Variants in AP3S1 observed in about 807,000 individuals in gnomAD.
The protein encoded by AP3S1 is adaptor related protein complex 3 subunit sigma 1, also known as AP-3 complex subunit sigma-1.
Under a neutral mutation model 21.3 loss-of-function variants are expected in AP3S1, and 12 were observed. That is an observed-to-expected ratio of 0.56 (90% CI 0.36 to 0.91). AP3S1 has a LOEUF of 0.91. AP3S1 is among the 40% of genes least tolerant of loss of function. The pLI is 0.01. For missense variants in AP3S1, 116 were observed against 225.0 expected, an observed-to-expected ratio of 0.52 and a Z score of 3.10; for synonymous variants, 48 against 78.4, an observed-to-expected ratio of 0.61 and a Z score of 2.05.
chr5:115,868,688 C>G (rs1479382621), intron 2 of AP3S1, among the ~76,000 whole-genome samples: 2 of 151,758 alleles, frequency 1.3e-5, no homozygotes, highest in Non-Finnish European at 2.9e-5. Flanking sequence ...TCGAGACCAG[C>G]CTGGGCAACA....
chr5:115,866,904 C>G, intron 2 of AP3S1, 143 bp downstream of exon 2: 1 of 428,494 alleles, frequency 2.3e-6, no homozygotes, highest in Non-Finnish European at 4.1e-6. Context: ...AGCTATAAAT[C>G]TAACTTAAAG....
At chr5:115,888,522 T>G (rs1749992295) in intron 3 of AP3S1, among the ~76,000 whole-genome samples, 1 of 152,174 alleles carries the variant, frequency 6.6e-6, no homozygotes, top group African/African-American at 2.4e-5. Context: ...TTTTTAAAAC[T>G]GAACAGAGTA....
At chr5:115,859,295 T>C (rs1763006296) in intron 1 of AP3S1, among the ~76,000 whole-genome samples, 1 of 152,234 alleles carries the variant, frequency 6.6e-6, no homozygotes, top group Non-Finnish European at 1.5e-5. Flanking sequence ...GCGTTGGTGT[T>C]CTTGGTCAAC....
intron 5 of AP3S1, chr5:115,908,923 C>T (rs944240885): frequency 3.3e-6 from 3 of 919,518 alleles, no homozygotes; most frequent in Admixed American, 6.2e-5. Flanking sequence ...GATTTTGAGT[C>T]TGAAACCATT....
chr5:115,889,085 T>G (rs778519180), intron 3 of AP3S1, among the ~76,000 whole-genome samples: 5 of 152,108 alleles, frequency 3.3e-5, no homozygotes, highest in Non-Finnish European at 7.3e-5. Flanking sequence ...TTTTTACCAC[T>G]CCATACTTTA....
chr5:115,892,713 TA>T (rs772372963), intron 3 of AP3S1, among the ~76,000 whole-genome samples: 14 of 151,748 alleles, frequency 9.2e-5, no homozygotes, highest in Non-Finnish European at 1.5e-5. Context: ...GGTTAATGGA[TA>T]AAAAAAATAG....
At chr5:115,872,521 T>G (rs996604188) in intron 3 of AP3S1, among the ~76,000 whole-genome samples, 6 of 152,078 alleles carry the variant, frequency 3.9e-5, no homozygotes, top group African/African-American at 1.4e-4. Flanking sequence ...CATGTATATA[T>G]TATGAGGTAG....
chr5:115,864,399 G>C (rs778695801), intron 1 of AP3S1, among the ~76,000 whole-genome samples: 4 of 152,178 alleles, frequency 2.6e-5, no homozygotes, highest in Admixed American at 2.0e-4. Flanking sequence ...CTTGCCCCCA[G>C]TCACAAAGTT....
intron 3 of AP3S1, among the ~76,000 whole-genome samples, chr5:115,871,795 A>T (rs918823337): frequency 6.6e-6 from 1 of 151,736 alleles, no homozygotes; most frequent in Non-Finnish European, 1.5e-5. Flanking sequence ...CGGTCCATTT[A>T]CTCTCCCATA....
intron 1 of AP3S1, among the ~76,000 whole-genome samples, chr5:115,856,649 G>T (rs1762824104): frequency 6.6e-6 from 1 of 151,986 alleles, no homozygotes; most frequent in Non-Finnish European, 1.5e-5. Context: ...AAACGTTGTT[G>T]TTGTTGTTTA....
intron 3 of AP3S1, among the ~76,000 whole-genome samples, chr5:115,875,128 C>G (rs546412463): frequency 2.0e-5 from 3 of 152,170 alleles, no homozygotes; most frequent in Non-Finnish European, 2.9e-5. Context: ...AGTACACAAA[C>G]TGAAGTAAAT....
chr5:115,856,380 C>G (rs370451464), intron 1 of AP3S1, among the ~76,000 whole-genome samples: 3 of 150,112 alleles, frequency 2.0e-5, no homozygotes, highest in African/African-American at 7.3e-5. Context: ...ATGTTTTGAT[C>G]TATGTATACA....
intron 3 of AP3S1, among the ~76,000 whole-genome samples, chr5:115,882,686 C>T (rs1052118855): frequency 1.3e-5 from 2 of 152,038 alleles, no homozygotes; most frequent in Admixed American, 6.5e-5. Context: ...GTCAGGGACC[C>T]GCTTGAGGAG....
At chr5:115,856,831 A>C (rs2112797872) in intron 1 of AP3S1, among the ~76,000 whole-genome samples, 1 of 152,312 alleles carries the variant, frequency 6.6e-6, no homozygotes, top group South Asian at 2.1e-4. Flanking sequence ...TTAAAAATAC[A>C]TTCTTCTGGA....
At chr5:115,842,737 A>G (rs1383000588) in intron 1 of AP3S1, among the ~76,000 whole-genome samples, 1 of 152,176 alleles carries the variant, frequency 6.6e-6, no homozygotes. Context: ...TGTGACTTTC[A>G]GGTGTCTCCT....
chr5:115,860,371 A>T (rs896322174), intron 1 of AP3S1, among the ~76,000 whole-genome samples: 51 of 152,248 alleles, frequency 3.3e-4, no homozygotes, highest in South Asian at 3.3e-3. Flanking sequence ...AGGGATTAGG[A>T]TGTTGTCATT....
chr5:115,876,567 A>C (rs1291077246), intron 3 of AP3S1, among the ~76,000 whole-genome samples: 2 of 152,306 alleles, frequency 1.3e-5, no homozygotes, highest in African/African-American at 4.8e-5. Flanking sequence ...ACACTACTAT[A>C]TAATCTGTAG....
At chr5:115,882,432 G>T (rs985989328) in intron 3 of AP3S1, among the ~76,000 whole-genome samples, 2 of 152,190 alleles carry the variant, frequency 1.3e-5, no homozygotes, top group African/African-American at 4.8e-5. Context: ...CTTTCTGATT[G>T]TTAGTTTTCC....
At chr5:115,860,334 T>C (rs1304942065) in intron 1 of AP3S1, among the ~76,000 whole-genome samples, 1 of 152,232 alleles carries the variant, frequency 6.6e-6, no homozygotes, top group Non-Finnish European at 1.5e-5. Flanking sequence ...GCATTTGTCA[T>C]GTTAACCACA....
Sources: allele counts gnomAD v4.1 joint callset (sites outside exome capture counted in the v4.1 genomes callset), GRCh38; gene constraint gnomAD v4.1.1; transcripts MANE v1.5; gene names NCBI Gene and HGNC (gene_info 2026-07-23, HGNC 2026-07-21).